The following ADGRG5 variants were observed in gnomAD, a reference collection of about 807,000 sequenced individuals.
ADGRG5 encodes G protein-coupled receptor 114.
In ADGRG5, 37 loss-of-function variants were observed where a neutral mutation model predicts 53.2. The ratio of observed to expected loss-of-function variants is 0.70; its 90% confidence interval spans 0.53 to 0.91. The LOEUF is 0.91. Among genes scored for constraint, ADGRG5 ranks in the 40% least tolerant of loss-of-function variants. ADGRG5 has a pLI of 0.00. For missense variants in ADGRG5, 614 were observed against 675.8 expected (o/e 0.91, Z 1.01); for synonymous variants, 277 against 290.4 (o/e 0.95, Z 0.47).
At chr16:57,533,101 C>T in the ADGRG5 span, among the ~76,000 whole-genome samples, 1 of 152,206 alleles carries the variant, frequency 6.6e-6, no homozygotes, top group Non-Finnish European at 1.5e-5. Context: ...CTTCCAGGCA[C>T]CCATGCTAAA....
chr16:57,550,390 A>G (rs1247263989), intron 1 of ADGRG5, among the ~76,000 whole-genome samples: 3 of 152,196 alleles, frequency 2.0e-5, no homozygotes, highest in African/African-American at 4.8e-5. Flanking sequence ...TCCAGATACA[A>G]TTTTTTAAAA....
intron 9 of ADGRG5, among the ~76,000 whole-genome samples, chr16:57,570,008 T>TCCTC (rs2033302076): frequency 6.7e-6 from 1 of 150,366 alleles, no homozygotes; most frequent in Non-Finnish European, 1.5e-5. Flanking sequence ...TTCACCACCA[T>TCCTC]CACCACCTAC....
the ADGRG5 span, among the ~76,000 whole-genome samples, chr16:57,537,339 A>C: frequency 6.6e-6 from 1 of 151,862 alleles, no homozygotes; most frequent in South Asian, 2.1e-4. Context: ...AAGAAGACCA[A>C]CAATTCACCA....
At chr16:57,565,181 C>T in intron 6 of ADGRG5, 31 bp downstream of exon 6, 2 of 1,302,006 alleles carry the variant, frequency 1.5e-6, no homozygotes, top group Non-Finnish European at 2.2e-6. Context: ...GTTTCCACTG[C>T]ACCCCTGCCC....
chr16:57,548,035 A>C (rs2032660024), intron 1 of ADGRG5, among the ~76,000 whole-genome samples: 1 of 152,106 alleles, frequency 6.6e-6, no homozygotes, highest in African/African-American at 2.4e-5. Context: ...GGTATGAGCC[A>C]CCACGCCTGG....
chr16:57,567,883 C>T lies in ADGRG5; in HGVS notation c.849C>T (p.Ile283=), dbSNP rs1241105096. ...AGCAGAGTGACTCCTTAACACGCATCCACATGAACCTGCATGCCTCCGTGC... is the reference window on the plus strand; with the variant it reads ...AGCAGAGTGACTCCTTAACACGCATTCACATGAACCTGCATGCCTCCGTGC... ...FRKQSDSLTR[I]HMNLHASVLL... is the part of the protein sequence containing the mutation. Residue 283 remains isoleucine (I), a synonymous_variant, in exon 9 of 12, where the codon ATC becomes ATT. Transcript: ENST00000349457. The T allele has an allele frequency of 1.2e-6, 2 of 1,612,156 alleles. No homozygotes were observed. The highest frequency in any genetic ancestry group is 1.7e-6 in the Non-Finnish European group (2 of 1,179,828).
At chr16:57,554,757 A>G (rs772641704) in intron 1 of ADGRG5, among the ~76,000 whole-genome samples, 24 of 152,194 alleles carry the variant, frequency 1.6e-4, no homozygotes, top group Non-Finnish European at 3.1e-4. Flanking sequence ...AGGTGGAAGC[A>G]TAGATCACTG....
intron 9 of ADGRG5, among the ~76,000 whole-genome samples, chr16:57,570,029 T>A (rs541862113): frequency 3.6e-4 from 42 of 117,392 alleles, no homozygotes; most frequent in Admixed American, 4.6e-4. Flanking sequence ...TCCACCTCCA[T>A]CTCCACCATC....
At chr16:57,556,159 T>A (rs2032878471) in intron 1 of ADGRG5, among the ~76,000 whole-genome samples, 2 of 152,354 alleles carry the variant, frequency 1.3e-5, no homozygotes, top group South Asian at 4.1e-4. Flanking sequence ...GATTGGTATA[T>A]CTTTTTTCCA....
At chr16:57,544,578 G>A (rs1490168197) in intron 1 of ADGRG5, among the ~76,000 whole-genome samples, 2 of 152,150 alleles carry the variant, frequency 1.3e-5, no homozygotes, top group African/African-American at 2.4e-5. Flanking sequence ...GTGGGGGTAA[G>A]AGCCTGGTCT....
intron 6 of ADGRG5, chr16:57,565,530 A>G (rs1190086205): frequency 4.4e-5 from 15 of 343,936 alleles, no homozygotes; most frequent in Non-Finnish European, 7.8e-5. Context: ...ATTCTGTGGC[A>G]TGATGGATGC....
At chr16:57,549,210 C>T (rs1186303280) in intron 1 of ADGRG5, among the ~76,000 whole-genome samples, 2 of 152,160 alleles carry the variant, frequency 1.3e-5, no homozygotes, top group Non-Finnish European at 2.9e-5. Flanking sequence ...AAAGGATATT[C>T]AGAACGTAAA....
chr16:57,573,548 A>G (rs572439057), intron 10 of ADGRG5, among the ~76,000 whole-genome samples: 1 of 152,258 alleles, frequency 6.6e-6, no homozygotes, highest in Admixed American at 6.5e-5. Context: ...GGGCCTCAAG[A>G]GCCCTATTAC....
rs146807848 is a variant in ADGRG5, at chr16:57,565,096, C to T, written c.492C>T (p.His164=). 74 of 1,613,832 alleles carry T rather than the reference C, an allele frequency of 4.6e-5. No homozygotes were observed. Among genetic ancestry groups the T allele is most frequent in the Middle Eastern group, 1.6e-4 (1 of 6,082 alleles). Reference sequence around the variant, plus strand: ...TGGGGGCCCAGCTGAGTCATGGGCACGTGAACAACCTCAGGGATCCTGTGA... The same window carrying T: ...TGGGGGCCCAGCTGAGTCATGGGCATGTGAACAACCTCAGGGATCCTGTGA... ...YVLGAQLSHG[H]VNNLRDPVNI... Residue 164 remains histidine, a synonymous_variant, in exon 6 of 12, where the codon CAC becomes CAT. Coordinates refer to ENST00000349457, the MANE Select transcript of ADGRG5 (RefSeq NM_001304376.3).
rs754669525 is a variant in ADGRG5 at position 57,570,455 on chromosome 16, C to G, written c.1128C>G (p.Val376=). The change falls in exon 10 of 12, where the codon GTC becomes GTG. Residue 376 remains valine, a synonymous_variant. Coordinates refer to ENST00000349457, the MANE Select transcript of ADGRG5 (RefSeq NM_001304376.3). ...TCCTGGTGCTGCTTTCCCTCTCTGTCAAGAGCTCGGTATACGGACCCTGCA... is the reference window on the plus strand; with the variant it reads ...TCCTGGTGCTGCTTTCCCTCTCTGTGAAGAGCTCGGTATACGGACCCTGCA... ...PALLVLLSLS[V]KSSVYGPCTI... 2 of 1,613,326 alleles carry G rather than the reference C, an allele frequency of 1.2e-6. No homozygotes were observed. Among genetic ancestry groups the G allele is most frequent in the African/African-American group, 2.7e-5 (2 of 74,942 alleles).
chr16:57,562,662 A>T, intron 3 of ADGRG5: 1 of 579,808 alleles, frequency 1.7e-6, no homozygotes, highest in Non-Finnish European at 3.1e-6. Context: ...GCCCTTAATC[A>T]TAGATGTCAT....
chr16:57,567,155 G>A (rs1030218128), intron 7 of ADGRG5, among the ~76,000 whole-genome samples: 43 of 152,274 alleles, frequency 2.8e-4, no homozygotes, highest in African/African-American at 1.0e-3. Context: ...TGACCCAATC[G>A]CTATAGGCAG....
intron 9 of ADGRG5, among the ~76,000 whole-genome samples, chr16:57,569,022 C>G (rs1220589498): frequency 6.6e-6 from 1 of 151,798 alleles, no homozygotes; most frequent in Non-Finnish European, 1.5e-5. Context: ...CCACCTCCAT[C>G]ACCACCATCA....
At chr16:57,553,552 T>C (rs1596779006) in intron 1 of ADGRG5, among the ~76,000 whole-genome samples, 1 of 152,264 alleles carries the variant, frequency 6.6e-6, no homozygotes, top group African/African-American at 2.4e-5. Flanking sequence ...TCTGTCCTTA[T>C]GCCAGTAACA....
Sources: gnomAD v4.1 joint callset for allele counts (sites outside exome capture counted in the v4.1 genomes callset) on GRCh38, gnomAD v4.1.1 for gene constraint, MANE v1.5 for transcripts, NCBI Gene and HGNC (gene_info 2026-07-23, HGNC 2026-07-21) for gene names.